Variants in SEMA5A observed in about 807,000 individuals in gnomAD.
The protein encoded by SEMA5A is semaphorin-5A.
A neutral mutation model predicts 135.5 loss-of-function variants in SEMA5A; 55 were observed. The observed-to-expected ratio is 0.41, with a 90% CI of 0.33 to 0.51. The LOEUF is 0.51. Ranked by LOEUF, SEMA5A falls within the 20% of genes least tolerant of loss-of-function variation. The probability of loss-of-function intolerance (pLI) is 0.37; values close to 1 mark genes in which losing one functional copy is unlikely to be tolerated. For missense variants in SEMA5A, 1,290 were observed against 1,419.9 expected, an observed-to-expected ratio of 0.91 and a Z score of 1.47; for synonymous variants, 580 against 546.5, an observed-to-expected ratio of 1.06 and a Z score of -0.85.
chr5:9,456,370 G>A lies in SEMA5A; in HGVS notation c.-174-18518C>T, dbSNP rs1266244466. Among the ~76,000 whole-genome samples, 3 of 152,164 alleles carry A rather than the reference G, an allele frequency of 2.0e-5. No homozygotes were observed. The South Asian group carries it at 6.2e-4, about 32-fold the overall frequency. On this transcript the variant is annotated intron_variant, in intron 1 of 22. Transcript: ENST00000382496. The stretch of plus-strand genomic sequence containing the variant: ...AGATGAGCACCAGGATTTGACCAAG[G>A]AAGAGGAAGGAGGTTAGGAAGCAGA...
chr5:9,154,093 A>ATATATATATATATATATATG, intron 12 of SEMA5A, among the ~76,000 whole-genome samples: 1 of 73,514 alleles, frequency 1.4e-5, no homozygotes, highest in Non-Finnish European at 2.4e-5. Context: ...ATATATATAT[A>ATATATATATATATATATATG]TGTGTGTGTG....
chr5:9,154,169 C>T (rs1295003682), intron 12 of SEMA5A, among the ~76,000 whole-genome samples: 9 of 145,396 alleles, frequency 6.2e-5, no homozygotes, highest in African/African-American at 2.3e-4. Flanking sequence ...AAGCTTGTGC[C>T]AGATTAACAT....
chr5:9,297,409 T>C (rs1008452872), intron 5 of SEMA5A, among the ~76,000 whole-genome samples: 1 of 152,110 alleles, frequency 6.6e-6, no homozygotes. Context: ...CTGATTGAGA[T>C]TAGTGCCCTG....
intron 1 of SEMA5A, among the ~76,000 whole-genome samples, chr5:9,499,335 G>A (rs1172533988): frequency 1.3e-5 from 2 of 152,114 alleles, no homozygotes; most frequent in African/African-American, 2.4e-5. Context: ...ATGAAAAAAT[G>A]TCATCAAATG....
At chr5:9,385,326 T>C (rs1561209086) in intron 2 of SEMA5A, among the ~76,000 whole-genome samples, 1 of 152,122 alleles carries the variant, frequency 6.6e-6, no homozygotes. Flanking sequence ...TGCTGTCAGA[T>C]AAAAAAGAAA....
intron 5 of SEMA5A, among the ~76,000 whole-genome samples, chr5:9,244,008 G>C (rs989721388): frequency 7.9e-5 from 12 of 152,160 alleles, no homozygotes; most frequent in East Asian, 3.9e-4. Context: ...CCTTGTCATA[G>C]AATGTATTCA....
chr5:9,123,931 A>G (rs1204183974), intron 13 of SEMA5A, among the ~76,000 whole-genome samples: 1 of 152,152 alleles, frequency 6.6e-6, no homozygotes, highest in Non-Finnish European at 1.5e-5. Flanking sequence ...ACATGCTCAC[A>G]AGGTCTGGGA....
chr5:9,375,578 A>G (rs1039898810), intron 3 of SEMA5A, among the ~76,000 whole-genome samples: 5 of 149,500 alleles, frequency 3.3e-5, no homozygotes, highest in African/African-American at 9.9e-5. Context: ...CTGTAAGAAG[A>G]GACAATTAGG....
At position 9,381,991 on chromosome 5, in the gene SEMA5A, C is replaced by T. The variant is rs1249909047; in HGVS notation, c.-77-1968G>A. Among the ~76,000 whole-genome samples, 207 of 68,066 alleles carry T rather than the reference C, an allele frequency of 3.0e-3. 2 individuals carry two copies. Among genetic ancestry groups the T allele is most frequent in the African/African-American group, 8.9e-3 (191 of 21,488 alleles). The allele number at this position is 68,066 out of a possible 152,430, so 44.7% of individuals were successfully genotyped here. ...GTGTGTGTGTGTGTGTGCGCGCGCG[C>T]GCACATCAAGTTTCAGACACGTGGC... On this transcript the variant is annotated intron_variant, in intron 2 of 22. Coordinates refer to ENST00000382496, the MANE Select transcript of SEMA5A (RefSeq NM_003966.3).
chr5:9,537,156 A>G (rs1737812613), intron 1 of SEMA5A, among the ~76,000 whole-genome samples: 1 of 152,252 alleles, frequency 6.6e-6, no homozygotes. Context: ...AATTCTATAC[A>G]TAACACTATG....
chr5:9,196,140 T>G (rs1031372486), intron 10 of SEMA5A, among the ~76,000 whole-genome samples: 2 of 152,252 alleles, frequency 1.3e-5, no homozygotes, highest in African/African-American at 4.8e-5. Flanking sequence ...ATGATGATGA[T>G]GATCTTAAGA....
At chr5:9,525,086 G>A (rs1249144874) in intron 1 of SEMA5A, among the ~76,000 whole-genome samples, 5 of 152,174 alleles carry the variant, frequency 3.3e-5, no homozygotes, top group Admixed American at 3.3e-4. Context: ...ATTTCATATG[G>A]TTTAGGCCAA....
At chr5:9,154,461 T>G (rs1355414600) in intron 12 of SEMA5A, 27 bp downstream of exon 12, 4 of 1,607,958 alleles carry the variant, frequency 2.5e-6, no homozygotes, top group Non-Finnish European at 3.4e-6. Context: ...CACACACCAG[T>G]GCATCCTGAC....
intron 11 of SEMA5A, among the ~76,000 whole-genome samples, chr5:9,159,648 T>A (rs1352297890): frequency 6.6e-6 from 1 of 152,202 alleles, no homozygotes; most frequent in Non-Finnish European, 1.5e-5. Flanking sequence ...GTATGATGAT[T>A]CTTCAAGGAT....
intron 16 of SEMA5A, among the ~76,000 whole-genome samples, chr5:9,105,706 C>T (rs1739875411): frequency 6.6e-6 from 1 of 152,182 alleles, no homozygotes; most frequent in African/African-American, 2.4e-5. Flanking sequence ...CACTGAGACT[C>T]AGAAATGTCA....
intron 17 of SEMA5A, among the ~76,000 whole-genome samples, chr5:9,064,975 A>T (rs2150070356): frequency 6.6e-6 from 1 of 152,350 alleles, no homozygotes; most frequent in East Asian, 1.9e-4. Context: ...GTATTTCATC[A>T]TATACCTTCT....
At chr5:9,326,410 C>A (rs938843623) in intron 4 of SEMA5A, among the ~76,000 whole-genome samples, 1 of 152,134 alleles carries the variant, frequency 6.6e-6, no homozygotes, top group Non-Finnish European at 1.5e-5. Flanking sequence ...GCCACCATGC[C>A]CAGCTAATTT....
chr5:9,224,769 G>A lies in SEMA5A; in HGVS notation c.551C>T (p.Ala184Val), dbSNP rs756219155. ...AGGATCACGTCCTGGAAAATCCATG[G>A]CTGTAGCAGCATAGAGCTCCCCACC... ...TAGGELYAAT[A>V]MDFPGRDPAI... Residue 184 changes from alanine (A) to valine (V), a missense_variant, in exon 8 of 23, where the codon GCC (alanine) becomes GTC (valine). Coordinates refer to ENST00000382496, the MANE Select transcript of SEMA5A (RefSeq NM_003966.3). The A allele has an allele frequency of 1.2e-5, 19 of 1,614,046 alleles. No homozygotes were observed. The Admixed American group carries it at 2.3e-4, about 20-fold the overall frequency.
At chr5:9,353,317 A>ATGAAAGGAAAGGAAAGGAAAG (rs1261140956) in intron 3 of SEMA5A, among the ~76,000 whole-genome samples, 1 of 53,472 alleles carries the variant, frequency 1.9e-5, no homozygotes, top group Non-Finnish European at 3.9e-5. Context: ...GGGAAGGGAA[A>ATGAAAGGAAAGGAAAGGAAAG]GGAAGGAAAG....
Sources: gnomAD v4.1 joint callset for allele counts (sites outside exome capture counted in the v4.1 genomes callset) on GRCh38, gnomAD v4.1.1 for gene constraint, MANE v1.5 for transcripts, NCBI Gene and HGNC (gene_info 2026-07-23, HGNC 2026-07-21) for gene names.